DSCAML1: variants seen among roughly 807,000 people sequenced by gnomAD.
The protein encoded by DSCAML1 is DS cell adhesion molecule like 1, also known as cell adhesion molecule DSCAML1.
In DSCAML1, 38 loss-of-function variants were observed where a neutral mutation model predicts 200.5. That is an observed-to-expected ratio of 0.19 (90% CI 0.15 to 0.25). The LOEUF is 0.25. Ranked by LOEUF, DSCAML1 falls within the 10% of genes least tolerant of loss-of-function variation. The pLI is 1.00. For missense variants in DSCAML1, 2,223 were observed against 2,858.8 expected (o/e 0.78, Z 5.07); for synonymous variants, 1,215 against 1,165.0 (o/e 1.04, Z -0.87).
chr11:117,479,595 C>T (rs933514804), intron 14 of DSCAML1, among the ~76,000 whole-genome samples: 7 of 152,240 alleles, frequency 4.6e-5, no homozygotes, highest in Non-Finnish European at 8.8e-5. Context: ...CTCACAGTGG[C>T]GGGGCGGCCG....
chr11:117,707,223 G>A (rs919270166), intron 3 of DSCAML1, among the ~76,000 whole-genome samples: 26 of 152,318 alleles, frequency 1.7e-4, no homozygotes, highest in African/African-American at 5.5e-4. Flanking sequence ...ATTTAGGAAC[G>A]ACCACTGCCT....
chr11:117,470,331 T>G (rs1399969175), intron 15 of DSCAML1, among the ~76,000 whole-genome samples: 1 of 152,094 alleles, frequency 6.6e-6, no homozygotes, highest in Non-Finnish European at 1.5e-5. Context: ...ATCCCAGCAC[T>G]TTGGGAGGCC....
intron 3 of DSCAML1, among the ~76,000 whole-genome samples, chr11:117,545,811 C>G (rs1205269823): frequency 6.6e-6 from 1 of 152,196 alleles, no homozygotes; most frequent in Non-Finnish European, 1.5e-5. Context: ...TCTGCACCCT[C>G]AATCAAAGAC....
intron 3 of DSCAML1, among the ~76,000 whole-genome samples, chr11:117,704,372 G>A (rs569279349): frequency 7.2e-5 from 11 of 151,852 alleles, no homozygotes. Flanking sequence ...TGCTCTCTTT[G>A]TGCTTCTCAC....
intron 20 of DSCAML1, among the ~76,000 whole-genome samples, chr11:117,444,820 G>A (rs945157514): frequency 1.2e-4 from 18 of 152,270 alleles, no homozygotes; most frequent in Admixed American, 7.2e-4. Flanking sequence ...TTTGATAAGC[G>A]CTAGTTTGCA....
intron 3 of DSCAML1, among the ~76,000 whole-genome samples, chr11:117,710,756 A>C (rs1011014332): frequency 6.6e-6 from 1 of 152,222 alleles, no homozygotes; most frequent in Admixed American, 6.5e-5. Context: ...GCTGTTAGGC[A>C]ATGTCGGCTG....
chr11:117,746,891 C>A (rs553328474), intron 3 of DSCAML1, among the ~76,000 whole-genome samples: 37 of 152,336 alleles, frequency 2.4e-4, no homozygotes, highest in African/African-American at 7.9e-4. Context: ...GAAGCCTGGG[C>A]TCCCTTAGAG....
At chr11:117,542,850 GGAC>G (rs2050298337) in intron 3 of DSCAML1, among the ~76,000 whole-genome samples, 1 of 152,154 alleles carries the variant, frequency 6.6e-6, no homozygotes, top group Admixed American at 6.5e-5. Flanking sequence ...GGAAGAGCCT[GGAC>G]TCACACCTGG....
chr11:117,802,414 T>C (rs1379802332), intron 1 of DSCAML1, among the ~76,000 whole-genome samples: 1 of 152,152 alleles, frequency 6.6e-6, no homozygotes, highest in East Asian at 1.9e-4. Context: ...ACCCTTTCGA[T>C]TTGTACCTGC....
chr11:117,780,891 C>T lies in DSCAML1; in HGVS notation c.47-81G>A. ...ATAAGCCACGGAGGCTTGCGACAGG[C>T]TGCACTCATTCACCTGACCTTCAAG... On this transcript the variant is annotated intron_variant, in intron 1 of 32. Coordinates refer to ENST00000651296, the MANE Select transcript of DSCAML1 (RefSeq NM_020693.4). This position sits in a 1 kb window ranked among gnomAD's most constrained non-coding sequence, Gnocchi z 4.8. The T allele has an allele frequency of 8.6e-7, 1 of 1,166,956 alleles. No homozygotes were observed. The highest frequency in any genetic ancestry group is 1.1e-6 in the Non-Finnish European group (1 of 887,362). 72.3% of individuals were successfully genotyped at this position (1,166,956 alleles called of 1,614,324 possible).
chr11:117,506,504 C>T (rs1336294008), intron 8 of DSCAML1, among the ~76,000 whole-genome samples: 3 of 151,570 alleles, frequency 2.0e-5, no homozygotes, highest in Non-Finnish European at 2.9e-5. Context: ...GGTTGCCTCT[C>T]CAAGAAAGCC....
intron 3 of DSCAML1, among the ~76,000 whole-genome samples, chr11:117,729,142 T>C (rs372275835): frequency 1.6e-4 from 25 of 152,312 alleles, no homozygotes; most frequent in East Asian, 9.6e-4. Flanking sequence ...TTTTTGACAA[T>C]GGTGCCAAGA....
At position 117,535,512 on chromosome 11, in the gene DSCAML1, G is replaced by A. The variant is rs71480341; in HGVS notation, c.512-2990C>T. 7.7e-4 allele frequency among the ~76,000 whole-genome samples: 117 copies of A among 152,306 alleles called. 1 individual carries two copies. The highest frequency in any genetic ancestry group is 1.4e-3 in the Non-Finnish European group (92 of 68,032). On this transcript the variant is annotated intron_variant, in intron 3 of 32. Transcript: ENST00000651296. Reference sequence around the variant, plus strand: ...CCCACTCGGGGCTGTGGGTGAGGACGAGAAGGAAGGTGGAGGGCGCCAAGC... The same window carrying A: ...CCCACTCGGGGCTGTGGGTGAGGACAAGAAGGAAGGTGGAGGGCGCCAAGC...
intron 26 of DSCAML1, among the ~76,000 whole-genome samples, chr11:117,436,595 T>C (rs1215614516): frequency 2.6e-5 from 4 of 152,082 alleles, no homozygotes; most frequent in Admixed American, 1.3e-4. Flanking sequence ...GAACTGGTAG[T>C]ATGCCTTTTC....
chr11:117,574,821 G>T (rs537988005), intron 3 of DSCAML1, among the ~76,000 whole-genome samples: 1 of 152,168 alleles, frequency 6.6e-6, no homozygotes. Context: ...TAGAGGAAAA[G>T]AGTCCACTGC....
Position 117,463,959 on chromosome 11 carries a change from T to C in DSCAML1, c.3265+983A>G, listed in dbSNP as rs563909031. On this transcript the variant is annotated intron_variant, in intron 17 of 32. Coordinates refer to ENST00000651296, the MANE Select transcript of DSCAML1 (RefSeq NM_020693.4). This position sits in a 1 kb window ranked among gnomAD's most constrained non-coding sequence, Gnocchi z 4.0. Reference sequence around the variant, plus strand: ...ATGAGCGAATCTACTTTCAGGTGTTTCTGACCTAATGTGTCCACCATCCCC... The same window carrying C: ...ATGAGCGAATCTACTTTCAGGTGTTCCTGACCTAATGTGTCCACCATCCCC... Among the ~76,000 whole-genome samples the C allele has an allele frequency of 3.3e-5, 5 of 152,228 alleles. No homozygotes were observed. Among genetic ancestry groups the C allele is most frequent in the Non-Finnish European group, 7.3e-5 (5 of 68,044 alleles).
At chr11:117,663,390 C>G (rs929929559) in intron 3 of DSCAML1, among the ~76,000 whole-genome samples, 6 of 152,152 alleles carry the variant, frequency 3.9e-5, no homozygotes. Flanking sequence ...CTGAGGCCAT[C>G]CCCCACCAGT....
chr11:117,730,428 A>T lies in DSCAML1; in HGVS notation c.511+46363T>A, dbSNP rs973711335. Among the ~76,000 whole-genome samples the T allele has an allele frequency of 4.6e-5, 7 of 152,354 alleles. No homozygotes were observed. In the East Asian group the frequency reaches 1.2e-3, roughly 25 times the overall value. On this transcript the variant is annotated intron_variant, in intron 3 of 32. Transcript: ENST00000651296. ...CACTGATTTTAGTCCCGTGAGACTC[A>T]TTCCAGACTTCTGACCTCCGGAACT...
intron 1 of DSCAML1, among the ~76,000 whole-genome samples, chr11:117,796,139 T>C (rs2055568856): frequency 6.6e-6 from 1 of 152,190 alleles, no homozygotes; most frequent in African/African-American, 2.4e-5. Context: ...CGGAAATGTC[T>C]GCCCTCTTCC....
Sources: gnomAD v4.1 joint callset for allele counts (sites outside exome capture counted in the v4.1 genomes callset) on GRCh38, gnomAD v4.1.1 for gene constraint, Gnocchi (gnomAD v3.1) non-coding constraint, MANE v1.5 for transcripts, NCBI Gene and HGNC (gene_info 2026-07-23, HGNC 2026-07-21) for gene names.